DTD1: variants seen among roughly 807,000 people sequenced by gnomAD.
DTD1 encodes D-aminoacyl-tRNA deacylase 1.
DTD1 carries 13 observed loss-of-function variants against 25.6 expected under a neutral mutation model. The ratio of observed to expected loss-of-function variants is 0.51; its 90% CI spans 0.33 to 0.81. The LOEUF (loss-of-function observed/expected upper bound fraction) is 0.81, where lower values mean the gene tolerates loss of function less well. Among genes scored for constraint, DTD1 ranks in the 30% least tolerant of loss-of-function variants. DTD1 has a pLI of 0.02. For synonymous variants in DTD1, 110 were observed against 103.6 expected (o/e 1.06, Z -0.37); for missense variants, 193 against 266.4 (o/e 0.72, Z 1.92).
In DTD1 at chr20:18,634,557, C is replaced by T. The variant is rs553671317; in HGVS notation, c.477+6324C>T. 5.3e-5 allele frequency among the ~76,000 whole-genome samples: 8 copies of T among 152,286 alleles called. No homozygotes were observed. In the East Asian group the frequency reaches 7.7e-4, roughly 15 times the overall value. On this transcript the variant is annotated intron_variant, in intron 4 of 5. Coordinates refer to ENST00000377452, the MANE Select transcript of DTD1 (RefSeq NM_080820.6). The stretch of plus-strand genomic sequence containing the variant: ...GCGAAACACGGTGCCTTCAATTTTA[C>T]GGAGCTATTAATTTTACGCTCCTCT...
intron 4 of DTD1, among the ~76,000 whole-genome samples, chr20:18,686,309 C>T (rs2061016272): frequency 6.6e-6 from 1 of 152,244 alleles, no homozygotes; most frequent in Non-Finnish European, 1.5e-5. Context: ...CTTTTAAAAA[C>T]CAATCTCCTA....
chr20:18,706,040 TG>T lies in DTD1; in HGVS notation c.478-38058del, dbSNP rs1326964800. ...CCTCAGTTTTCTTTTCACTCAGATT[TG>T]GATAAAGAGGATAAATGATAAGTAA... On this transcript the variant is annotated intron_variant, in intron 4 of 5. Transcript: ENST00000377452. Among the ~76,000 whole-genome samples, 4 of 152,306 alleles carry T rather than the reference TG, an allele frequency of 2.6e-5. No homozygotes were observed. In the East Asian group the frequency reaches 7.7e-4, roughly 29 times the overall value.
chr20:18,738,935 C>T (rs865810670), intron 4 of DTD1, among the ~76,000 whole-genome samples: 1 of 152,216 alleles, frequency 6.6e-6, no homozygotes, highest in Non-Finnish European at 1.5e-5. Context: ...ACATTATGGT[C>T]CAGATACATG....
intron 4 of DTD1, among the ~76,000 whole-genome samples, chr20:18,676,209 A>G (rs2060973775): frequency 6.6e-6 from 1 of 152,088 alleles, no homozygotes; most frequent in Non-Finnish European, 1.5e-5. Context: ...GACATGTCCA[A>G]GGTTTCGAAA....
chr20:18,609,204 G>C (rs1373749894), intron 3 of DTD1, among the ~76,000 whole-genome samples: 3 of 151,458 alleles, frequency 2.0e-5, no homozygotes, highest in Non-Finnish European at 2.9e-5. Context: ...GCAGTGGTAC[G>C]AGATCTCCGC....
intron 4 of DTD1, among the ~76,000 whole-genome samples, chr20:18,671,622 T>C (rs1045979420): frequency 6.6e-6 from 1 of 152,206 alleles, no homozygotes; most frequent in Admixed American, 6.5e-5. Context: ...ATCACTTTAA[T>C]TGGTTGTTGT....
At chr20:18,698,784 TA>T (rs777450576) in intron 4 of DTD1, 10 of 152,244 alleles carry the variant, frequency 6.6e-5, no homozygotes, top group Non-Finnish European at 1.3e-4. Flanking sequence ...AATTCTCAGT[TA>T]AAAGTTCCTT....
chr20:18,692,599 G>C (rs1331215305), intron 4 of DTD1, among the ~76,000 whole-genome samples: 2 of 152,234 alleles, frequency 1.3e-5, no homozygotes, highest in Non-Finnish European at 2.9e-5. Flanking sequence ...GAGGTCAGTA[G>C]CTCAAAGGGA....
At chr20:18,612,635 G>T (rs2060691890) in intron 3 of DTD1, among the ~76,000 whole-genome samples, 1 of 151,756 alleles carries the variant, frequency 6.6e-6, no homozygotes, top group Admixed American at 6.6e-5. Context: ...ACATCTTCTT[G>T]GCTTATTGGC....
chr20:18,706,544 A>G (rs934064692), intron 4 of DTD1, among the ~76,000 whole-genome samples: 6 of 152,184 alleles, frequency 3.9e-5, no homozygotes, highest in African/African-American at 1.4e-4. Context: ...TGAATTTGGA[A>G]GAGAAAAAGG....
At chr20:18,753,635 T>G (rs1325656404) in intron 5 of DTD1, among the ~76,000 whole-genome samples, 1 of 108,212 alleles carries the variant, frequency 9.2e-6, no homozygotes, top group Non-Finnish European at 2.0e-5. Flanking sequence ...CGTTGATATA[T>G]AAATAAGTAC....
chr20:18,758,444 T>G lies in DTD1; in HGVS notation c.*20-4916T>G, dbSNP rs972377629. 6.7e-4 allele frequency among the ~76,000 whole-genome samples: 102 copies of G among 152,248 alleles called. 1 individual carries two copies. Among genetic ancestry groups the G allele is most frequent in the Admixed American group, 3.9e-4 (6 of 15,284 alleles). On this transcript the variant is annotated intron_variant, in intron 5 of 5. Coordinates refer to ENST00000377452, the MANE Select transcript of DTD1 (RefSeq NM_080820.6). The stretch of plus-strand genomic sequence containing the variant: ...ATTTCCCTCTACACACTGCTTTGAA[T>G]GTGTCCCAGAGATTCTGGTATGTTG...
intron 3 of DTD1, among the ~76,000 whole-genome samples, chr20:18,616,585 C>G (rs2060709703): frequency 6.6e-6 from 1 of 151,854 alleles, no homozygotes. Flanking sequence ...CCCAGGAGTT[C>G]TAGACCAGCC....
chr20:18,663,842 A>G (rs926971356), intron 4 of DTD1, among the ~76,000 whole-genome samples: 4 of 152,204 alleles, frequency 2.6e-5, no homozygotes, highest in African/African-American at 9.6e-5. Flanking sequence ...CATTTATAAA[A>G]CCATCAGATA....
chr20:18,626,714 A>C (rs1600328337), intron 3 of DTD1, among the ~76,000 whole-genome samples: 1 of 152,216 alleles, frequency 6.6e-6, no homozygotes, highest in Non-Finnish European at 1.5e-5. Context: ...CTTTGGATTT[A>C]TCATCTGTAC....
chr20:18,673,720 A>G (rs1388313241), intron 4 of DTD1, among the ~76,000 whole-genome samples: 1 of 152,106 alleles, frequency 6.6e-6, no homozygotes, highest in East Asian at 1.9e-4. Context: ...CAGTCCTCAG[A>G]GAGGTAGTTG....
intron 4 of DTD1, among the ~76,000 whole-genome samples, chr20:18,667,962 G>A (rs962781484): frequency 6.6e-6 from 1 of 152,204 alleles, no homozygotes; most frequent in Non-Finnish European, 1.5e-5. Context: ...TTATACGTGC[G>A]AAGGTGCCCA....
rs1402170968 is a variant in DTD1 at position 18,628,252 on chromosome 20, G to A, written c.477+19G>A. 1 of 1,596,996 alleles carries A rather than the reference G, an allele frequency of 6.3e-7. No individual in the cohort carries two copies. The highest frequency in any genetic ancestry group is 1.1e-5 in the South Asian group (1 of 90,614). On this transcript the variant is annotated intron_variant, in intron 4 of 5. Coordinates refer to ENST00000377452, the MANE Select transcript of DTD1 (RefSeq NM_080820.6). ...AAAGCAGGTAAGCCTGGAGTCTGGTGCCTGGCTCCGTCCCTTGGGTGCCTG... is the reference window on the plus strand; with the variant it reads ...AAAGCAGGTAAGCCTGGAGTCTGGTACCTGGCTCCGTCCCTTGGGTGCCTG...
At position 18,765,078 on chromosome 20, in the gene DTD1, T is replaced by C. The variant is rs2061375674; in HGVS notation, c.*1738T>C. On this transcript the variant is annotated 3_prime_UTR_variant, in exon 6 of 6. Coordinates refer to ENST00000377452, the MANE Select transcript of DTD1 (RefSeq NM_080820.6). ...GTAAAATGCTAAAGGCCTTTGTTGG[T>C]CACAGCCCAGTTCCTGGCTCCCATT... 2 of 152,226 alleles carry C rather than the reference T, an allele frequency of 1.3e-5. No homozygotes were observed. The allele number at this position is 152,226 out of a possible 1,614,324, so 9.4% of individuals were successfully genotyped here.
Sources: gnomAD v4.1 joint callset for allele counts (sites outside exome capture counted in the v4.1 genomes callset) on GRCh38, gnomAD v4.1.1 for gene constraint, MANE v1.5 for transcripts, NCBI Gene and HGNC (gene_info 2026-07-23, HGNC 2026-07-21) for gene names.